Variants in MYH9 observed in about 807,000 individuals in gnomAD.
MYH9 encodes myosin-9.
Under a neutral mutation model 241.9 loss-of-function variants are expected in MYH9, and 29 were observed. The ratio of observed to expected loss-of-function variants is 0.12; its 90% confidence interval spans 0.09 to 0.16. MYH9 has a LOEUF of 0.16. Ranked by LOEUF, MYH9 falls within the 10% of genes least tolerant of loss-of-function variation. The probability of loss-of-function intolerance (pLI) is 1.00; values close to 1 mark genes in which losing one functional copy is unlikely to be tolerated. For synonymous variants in MYH9, 1,047 were observed against 1,062.6 expected, an observed-to-expected ratio of 0.99 and a Z score of 0.29; for missense variants, 1,803 against 2,595.5, an observed-to-expected ratio of 0.69 and a Z score of 6.63.
At chr22:36,299,594 C>A (rs2016842319) in intron 23 of MYH9, among the ~76,000 whole-genome samples, 1 of 152,182 alleles carries the variant, frequency 6.6e-6, no homozygotes, top group East Asian at 1.9e-4. Flanking sequence ...CCTCAGCCTC[C>A]CCAGCCTTTG....
chr22:36,291,783 C>T (rs969058070), intron 31 of MYH9, among the ~76,000 whole-genome samples: 10 of 151,968 alleles, frequency 6.6e-5, no homozygotes, highest in Admixed American at 2.0e-4. Flanking sequence ...CTCAACCCAT[C>T]GCATGAAGAC....
rs142891887 is a variant in MYH9, at chr22:36,321,806, T to C, written c.721A>G (p.Ile241Val). 3.7e-5 allele frequency: 60 copies of C among 1,614,166 alleles called. No homozygotes were observed. In the Admixed American group the frequency reaches 9.8e-4, roughly 26 times the overall value. ...ATGTAGCCATTGACATCAAAGTTGATGCGAATGAATTTGCCCTAAGTAAGA... is the reference window on the plus strand; with the variant it reads ...ATGTAGCCATTGACATCAAAGTTGACGCGAATGAATTTGCCCTAAGTAAGA... ...NSSRFGKFIR[I>V]NFDVNGYIVG... The change falls in exon 7 of 41, where the codon ATC becomes GTC. Residue 241 changes from isoleucine (I) to valine (V), a missense_variant. By Grantham distance (29) the Ile-to-Val change is conservative. Transcript: ENST00000216181.
chr22:36,303,966 G>A lies in MYH9; in HGVS notation c.2390+29C>T. 3.1e-6 allele frequency: 5 copies of A among 1,611,964 alleles called. No individual in the cohort carries two copies. The South Asian group carries it at 3.3e-5, about 11-fold the overall frequency. ...AGAAGGGCGTGGCAAGGCCTGGCAT[G>A]CGGGGCAGGAGTATCTCCCGGGACT... On this transcript the variant is annotated intron_variant, in intron 19 of 40. Transcript: ENST00000216181.
chr22:36,320,487 C>T lies in MYH9; in HGVS notation c.869-124G>A, dbSNP rs1333264844. ...CTGAGCCCTGACGCACCCTGGAAAC[C>T]GCAGAGTAGCCAGTGACGTTCAGCT... is the stretch of plus-strand genomic sequence containing the variant. On this transcript the variant is annotated intron_variant, in intron 8 of 40. Transcript: ENST00000216181. This position sits in a 1 kb window ranked among gnomAD's most constrained non-coding sequence, Gnocchi z 4.8. 4.0e-6 allele frequency: 5 copies of T among 1,250,574 alleles called. No homozygotes were observed. Among genetic ancestry groups the T allele is most frequent in the East Asian group, 2.4e-5 (1 of 42,542 alleles). The allele number at this position is 1,250,574 out of a possible 1,614,324, so 77.5% of individuals were successfully genotyped here.
chr22:36,295,765 A>G lies in MYH9; in HGVS notation c.3273-48T>C. 1 of 1,547,426 alleles carries G rather than the reference A, an allele frequency of 6.5e-7. No individual in the cohort carries two copies. The highest frequency in any genetic ancestry group is 1.1e-5 in the South Asian group (1 of 87,710). On this transcript the variant is annotated intron_variant, in intron 25 of 40. Transcript: ENST00000216181. The surrounding 1 kb of genome is among the most constrained non-coding windows in gnomAD (Gnocchi z 4.1). ...CAGTATAAGGAGAGTTTCACCTCCA[A>G]GGAGCAGAGTTTGCAGGACAGGCCT... is the stretch of plus-strand genomic sequence containing the variant.
At chr22:36,381,967 A>C (rs957090557) in intron 1 of MYH9, among the ~76,000 whole-genome samples, 3 of 152,144 alleles carry the variant, frequency 2.0e-5, no homozygotes, top group African/African-American at 7.2e-5. Flanking sequence ...AGATACTGCC[A>C]AACAACTTTC....
chr22:36,298,848 A>C, intron 24 of MYH9, 71 bp downstream of exon 24: 1 of 1,599,262 alleles, frequency 6.3e-7, no homozygotes, highest in Non-Finnish European at 8.5e-7. Flanking sequence ...CCGGTCAGAC[A>C]GGCCGGCCCC....
chr22:36,357,851 C>G (rs1225560470), intron 1 of MYH9, among the ~76,000 whole-genome samples: 1 of 152,182 alleles, frequency 6.6e-6, no homozygotes, highest in Non-Finnish European at 1.5e-5. Context: ...CTGGACTGTG[C>G]TTTAAAGATC....
intron 5 of MYH9, among the ~76,000 whole-genome samples, chr22:36,325,940 T>A (rs1313886595): frequency 6.6e-6 from 1 of 152,104 alleles, no homozygotes; most frequent in Non-Finnish European, 1.5e-5. Flanking sequence ...AAAAGCTGCT[T>A]AGAACAAAAT....
intron 31 of MYH9, among the ~76,000 whole-genome samples, chr22:36,291,683 T>TAAAAAAAAAAAA (rs66686435): frequency 6.8e-4 from 59 of 86,912 alleles, no homozygotes; most frequent in South Asian, 8.2e-4. Context: ...ATAAAAAAAT[T>TAAAAAAAAAAAA]AAAAAAAAAA....
At chr22:36,385,030 C>A (rs1277879212) in intron 1 of MYH9, among the ~76,000 whole-genome samples, 1 of 152,080 alleles carries the variant, frequency 6.6e-6, no homozygotes, top group Non-Finnish European at 1.5e-5. Flanking sequence ...GCACTTCCTG[C>A]CCCAGCAGGC....
At chr22:36,384,264 T>C (rs957763455) in intron 1 of MYH9, among the ~76,000 whole-genome samples, 5 of 139,672 alleles carry the variant, frequency 3.6e-5, no homozygotes, top group Non-Finnish European at 7.7e-5. Flanking sequence ...GTGAGACTCA[T>C]CTCAAAAAAC....
intron 1 of MYH9, among the ~76,000 whole-genome samples, chr22:36,382,416 A>T (rs1420527667): frequency 6.6e-6 from 1 of 151,812 alleles, no homozygotes; most frequent in Non-Finnish European, 1.5e-5. Context: ...CGGAGGTTGC[A>T]GTGAGCCGAG....
intron 2 of MYH9, 32 bp downstream of exon 2, chr22:36,348,872 C>T: frequency 6.6e-7 from 1 of 1,519,244 alleles, no homozygotes. Flanking sequence ...GCCCTCAGAC[C>T]CAGCCTGCGG....
chr22:36,331,525 G>A (rs985932755), intron 3 of MYH9, among the ~76,000 whole-genome samples: 18 of 152,208 alleles, frequency 1.2e-4, no homozygotes, highest in African/African-American at 3.6e-4. Context: ...GAACCTGACC[G>A]CAGGTATTTC....
chr22:36,291,872 GC>G, intron 31 of MYH9, 113 bp downstream of exon 31: 1 of 1,526,462 alleles, frequency 6.6e-7, no homozygotes, highest in East Asian at 2.3e-5. Context: ...GCCCCGCACG[GC>G]CCCTCCCCGG....
At chr22:36,313,217 ACTTT>A (rs2017094161) in intron 13 of MYH9, among the ~76,000 whole-genome samples, 1 of 152,054 alleles carries the variant, frequency 6.6e-6, no homozygotes, top group Non-Finnish European at 1.5e-5. Flanking sequence ...TAATCCCAGT[ACTTT>A]GGGAGGCCGA....
chr22:36,343,587 T>C (rs2017624832), intron 2 of MYH9, among the ~76,000 whole-genome samples: 1 of 147,290 alleles, frequency 6.8e-6, no homozygotes, highest in African/African-American at 2.5e-5. Flanking sequence ...AGCTTAGAAA[T>C]GGACAAGCGT....
At chr22:36,291,308 G>A (rs2016698135) in intron 31 of MYH9, among the ~76,000 whole-genome samples, 1 of 152,216 alleles carries the variant, frequency 6.6e-6, no homozygotes, top group South Asian at 2.1e-4. Flanking sequence ...AGTATACATG[G>A]GAGACTTTTC....
Sources: gnomAD v4.1 joint callset for allele counts (sites outside exome capture counted in the v4.1 genomes callset) on GRCh38, gnomAD v4.1.1 for gene constraint, Gnocchi (gnomAD v3.1) non-coding constraint, MANE v1.5 for transcripts, NCBI Gene and HGNC (gene_info 2026-07-23, HGNC 2026-07-21) for gene names.